The following ADARB2 variants were observed in gnomAD, a reference collection of about 807,000 sequenced individuals.
ADARB2 encodes the protein inactive double-stranded RNA-specific editase B2.
Under a neutral mutation model 62.2 loss-of-function variants are expected in ADARB2, and 25 were observed. The ratio of observed to expected loss-of-function variants is 0.40; its 90% CI spans 0.29 to 0.56. The LOEUF (loss-of-function observed/expected upper bound fraction) is 0.56. ADARB2 is among the 20% of genes least tolerant of loss of function. The pLI, the probability that ADARB2 is intolerant of heterozygous loss-of-function variation, is 0.43. For missense variants in ADARB2, 1,071 were observed against 1,077.4 expected, an observed-to-expected ratio of 0.99 and a Z score of 0.08; for synonymous variants, 572 against 500.8, an observed-to-expected ratio of 1.14 and a Z score of -1.90.
intron 1 of ADARB2, among the ~76,000 whole-genome samples, chr10:1,546,359 G>T (rs1470635415): frequency 2.0e-5 from 3 of 152,218 alleles, no homozygotes; most frequent in Non-Finnish European, 4.4e-5. Context: ...TGCACTTACA[G>T]ACCGGCCTCC....
At chr10:1,692,088 G>A (rs1289445913) in intron 1 of ADARB2, among the ~76,000 whole-genome samples, 3 of 152,218 alleles carry the variant, frequency 2.0e-5, no homozygotes, top group Non-Finnish European at 2.9e-5. Context: ...GAACGGGTCT[G>A]AATCCCATTG....
At chr10:1,478,822 G>A (rs1190490557) in intron 1 of ADARB2, among the ~76,000 whole-genome samples, 8 of 151,688 alleles carry the variant, frequency 5.3e-5, no homozygotes, top group African/African-American at 1.7e-4. Context: ...ACCTTCGGAC[G>A]GGAGAGCACC....
intron 1 of ADARB2, among the ~76,000 whole-genome samples, chr10:1,665,967 G>A (rs778531331): frequency 1.3e-5 from 2 of 151,782 alleles, no homozygotes; most frequent in South Asian, 2.1e-4. Context: ...GGCTTAGCCC[G>A]ACATTCAGGG....
intron 1 of ADARB2, among the ~76,000 whole-genome samples, chr10:1,450,790 T>C (rs1487813485): frequency 6.6e-6 from 1 of 152,162 alleles, no homozygotes; most frequent in Non-Finnish European, 1.5e-5. Flanking sequence ...GAGCATGCCT[T>C]GGTGTTGTTC....
intron 7 of ADARB2, among the ~76,000 whole-genome samples, chr10:1,208,905 G>A (rs1368787047): frequency 6.6e-6 from 1 of 152,180 alleles, no homozygotes; most frequent in African/African-American, 2.4e-5. Context: ...TTCTCTGCTG[G>A]GGCGCCCGGA....
chr10:1,673,346 G>GTGTGTGTGTGTA (rs1834418392), intron 1 of ADARB2, among the ~76,000 whole-genome samples: 2 of 151,692 alleles, frequency 1.3e-5, no homozygotes, highest in Admixed American at 1.3e-4. Flanking sequence ...GTGTGTGTAT[G>GTGTGTGTGTGTA]TGTGTGTATT....
chr10:1,692,775 G>A (rs544604305), intron 1 of ADARB2, among the ~76,000 whole-genome samples: 7 of 152,188 alleles, frequency 4.6e-5, no homozygotes, highest in African/African-American at 1.7e-4. Flanking sequence ...ACAAAACAGT[G>A]GACTGTCAGA....
At chr10:1,568,021 C>A (rs1040985668) in intron 1 of ADARB2, among the ~76,000 whole-genome samples, 11 of 152,216 alleles carry the variant, frequency 7.2e-5, no homozygotes, top group Non-Finnish European at 1.0e-4. Flanking sequence ...GCAGCAGCTG[C>A]CATTCTCTCT....
chr10:1,652,640 A>G (rs1216296727), intron 1 of ADARB2, among the ~76,000 whole-genome samples: 1 of 152,206 alleles, frequency 6.6e-6, no homozygotes, highest in East Asian at 1.9e-4. Flanking sequence ...ACTGGGTAGC[A>G]TATTGTTGTT....
At chr10:1,673,089 T>C (rs1834412569) in intron 1 of ADARB2, among the ~76,000 whole-genome samples, 1 of 152,154 alleles carries the variant, frequency 6.6e-6, no homozygotes. Context: ...TTCACCTCAT[T>C]CCTTTTGGTG....
chr10:1,479,121 G>A (rs1377495513), intron 1 of ADARB2, among the ~76,000 whole-genome samples: 2 of 152,220 alleles, frequency 1.3e-5, no homozygotes, highest in African/African-American at 4.8e-5. Context: ...CTCAGCTACA[G>A]GGTGACCTCT....
intron 2 of ADARB2, among the ~76,000 whole-genome samples, chr10:1,370,074 TTCA>T (rs1564271816): frequency 6.6e-6 from 1 of 152,212 alleles, no homozygotes; most frequent in Non-Finnish European, 1.5e-5. Context: ...AATGCGTGAT[TTCA>T]GCAACACATC....
At chr10:1,496,786 C>T (rs1831698125) in intron 1 of ADARB2, among the ~76,000 whole-genome samples, 1 of 152,136 alleles carries the variant, frequency 6.6e-6, no homozygotes, top group African/African-American at 2.4e-5. Flanking sequence ...TCATCACCGT[C>T]ATCATCATCA....
At chr10:1,359,401 G>T (rs1832228268) in intron 3 of ADARB2, among the ~76,000 whole-genome samples, 2 of 152,224 alleles carry the variant, frequency 1.3e-5, no homozygotes, top group South Asian at 4.1e-4. Context: ...GGTTAGATGA[G>T]TCTGATCCTG....
intron 1 of ADARB2, among the ~76,000 whole-genome samples, chr10:1,634,558 C>T (rs1010036594): frequency 1.3e-5 from 2 of 152,164 alleles, no homozygotes; most frequent in Non-Finnish European, 2.9e-5. Context: ...GTTAGGGTCA[C>T]TCCAGGTGTA....
Position 1,184,994 on chromosome 10 carries a change from A to G in ADARB2, c.1910T>C (p.Phe637Ser). The change falls in exon 9 of 10, where the codon TTC (phenylalanine) becomes TCC (serine). Residue 637 changes from phenylalanine (F) to serine (S), a missense_variant. By Grantham distance (155) the Phe-to-Ser change is radical. Transcript: ENST00000381312. Reference sequence around the variant, plus strand: ...GCTGCCCACGACCCAGTTCATGCTGAAGGGGGGCGACTTCCCCGGCTGGCG... The same window carrying G: ...GCTGCCCACGACCCAGTTCATGCTGGAGGGGGGCGACTTCCCCGGCTGGCG... ...EARQPGKSPP[F>S]SMNWVVGSAD... is the part of the protein sequence containing the mutation. The G allele has an allele frequency of 1.9e-6, 3 of 1,613,556 alleles. No individual in the cohort carries two copies. Among genetic ancestry groups the G allele is most frequent in the Non-Finnish European group, 2.5e-6 (3 of 1,179,940 alleles).
intron 1 of ADARB2, among the ~76,000 whole-genome samples, chr10:1,574,492 C>G (rs1307775620): frequency 6.6e-6 from 1 of 151,956 alleles, no homozygotes; most frequent in East Asian, 1.9e-4. Context: ...CTGTTCCCAG[C>G]GTTTTGGAGG....
At chr10:1,603,039 C>T (rs960397367) in intron 1 of ADARB2, among the ~76,000 whole-genome samples, 2 of 151,386 alleles carry the variant, frequency 1.3e-5, no homozygotes, top group East Asian at 3.9e-4. Context: ...AATATAAACA[C>T]ACACGCACAC....
At chr10:1,605,917 C>G (rs1195071608) in intron 1 of ADARB2, among the ~76,000 whole-genome samples, 1 of 152,156 alleles carries the variant, frequency 6.6e-6, no homozygotes, top group African/African-American at 2.4e-5. Flanking sequence ...ATTTTCATGA[C>G]AAAATGTCCA....
Sources: gnomAD v4.1 joint callset for allele counts (sites outside exome capture counted in the v4.1 genomes callset) on GRCh38, gnomAD v4.1.1 for gene constraint, MANE v1.5 for transcripts, NCBI Gene and HGNC (gene_info 2026-07-23, HGNC 2026-07-21) for gene names.